Variants in LSM12 observed in about 807,000 individuals in gnomAD.
LSM12 encodes the protein LSM12 homolog, also known as protein LSM12.
For synonymous variants in LSM12, 74 were observed against 87.3 expected (o/e 0.85, Z 0.85); for missense variants, 108 against 238.9 (o/e 0.45, Z 3.61).
At chr17:44,066,376 G>A (rs2144122077) in intron 1 of LSM12, 88 bp downstream of exon 1, 2 of 1,471,600 alleles carry the variant, frequency 1.4e-6, no homozygotes, top group African/African-American at 1.5e-5. Flanking sequence ...GGCCCGGAGA[G>A]AGCCCCAGCC....
chr17:44,037,003 C>G, intron 4 of LSM12: 1 of 154,660 alleles, frequency 6.5e-6, no homozygotes. Context: ...ACTCGGGAGG[C>G]TGAGGCAGGA....
chr17:44,049,134 T>C (rs2049609473), intron 2 of LSM12, among the ~76,000 whole-genome samples: 1 of 152,172 alleles, frequency 6.6e-6, no homozygotes, highest in Non-Finnish European at 1.5e-5. Context: ...GAGGCTGCAG[T>C]GAGCTGAGCT....
chr17:44,052,348 T>C (rs1164329893), intron 2 of LSM12, among the ~76,000 whole-genome samples: 1 of 151,128 alleles, frequency 6.6e-6, no homozygotes, highest in Non-Finnish European at 1.5e-5. Flanking sequence ...GCCAGGTGTG[T>C]TGGCATGCAC....
In LSM12 at chr17:44,063,942, G is replaced by GA. The variant is rs373983060; in HGVS notation, c.125-9dup. The GA allele has an allele frequency of 2.8e-3, 3,982 of 1,432,612 alleles. No individual in the cohort carries two copies. The highest frequency in any genetic ancestry group is 7.4e-3 in the South Asian group (567 of 76,118). 88.7% of individuals were successfully genotyped at this position (1,432,612 alleles called of 1,614,324 possible). Reference sequence around the variant, plus strand: ...CACTGGAAGAGGGACATTCTGGTGAGAAAAAAAAAAGTTAAGGAAAAATAG... The same window carrying GA: ...CACTGGAAGAGGGACATTCTGGTGAGAAAAAAAAAAAGTTAAGGAAAAATAG... On this transcript the variant is annotated splice_polypyrimidine_tract_variant and intron_variant, in intron 1 of 4. Transcript: ENST00000293406.
intron 2 of LSM12, among the ~76,000 whole-genome samples, chr17:44,048,406 C>G (rs1388873347): frequency 6.7e-6 from 1 of 149,598 alleles, no homozygotes; most frequent in Admixed American, 6.8e-5. Flanking sequence ...TGCTTGAACC[C>G]GGGAGGCGGA....
At chr17:44,058,450 C>T (rs1278977398) in intron 2 of LSM12, among the ~76,000 whole-genome samples, 2 of 151,818 alleles carry the variant, frequency 1.3e-5, no homozygotes, top group African/African-American at 2.4e-5. Context: ...ACCTGTAATT[C>T]GAATACTTTG....
At chr17:44,064,556 A>T (rs988029484) in intron 1 of LSM12, among the ~76,000 whole-genome samples, 23 of 151,594 alleles carry the variant, frequency 1.5e-4, no homozygotes, top group Admixed American at 1.1e-3. Context: ...AAAGTGGCAA[A>T]ACCCCGTCAC....
intron 1 of LSM12, 87 bp downstream of exon 1, chr17:44,066,377 A>C (rs907050165): frequency 6.8e-7 from 1 of 1,471,404 alleles, no homozygotes; most frequent in Non-Finnish European, 9.0e-7. Context: ...GCCCGGAGAG[A>C]GCCCCAGCCG....
chr17:44,061,992 C>A (rs939981734), intron 2 of LSM12, among the ~76,000 whole-genome samples: 4 of 152,028 alleles, frequency 2.6e-5, no homozygotes, highest in African/African-American at 7.2e-5. Flanking sequence ...GAGGCCGAGG[C>A]GGGCGGATCA....
At chr17:44,042,814 AC>A (rs1484250593) in intron 2 of LSM12, among the ~76,000 whole-genome samples, 2 of 152,026 alleles carry the variant, frequency 1.3e-5, no homozygotes, top group Non-Finnish European at 2.9e-5. Flanking sequence ...TGATCCACCC[AC>A]CTGGGCCTCC....
At chr17:44,044,434 A>G (rs1361652232) in intron 2 of LSM12, among the ~76,000 whole-genome samples, 1 of 152,166 alleles carries the variant, frequency 6.6e-6, no homozygotes, top group African/African-American at 2.4e-5. Flanking sequence ...CTCTATTTCA[A>G]TTCTAATGCA....
At position 44,037,523 on chromosome 17, in the gene LSM12, T is replaced by C. The variant is rs35841935; in HGVS notation, c.384A>G (p.Lys128=). The change falls in exon 4 of 5, where the codon AAA becomes AAG. Residue 128 remains lysine (K), a synonymous_variant. Coordinates refer to ENST00000293406, the MANE Select transcript of LSM12 (RefSeq NM_001371445.1). ...QTIHKTIKDC[K]WQEKNIVVME... ...TGACTACGATGTTTTTTTCTTGCCATTTACAGTCTTTAATGCTGGAAGGAG... is the reference window on the plus strand; with the variant it reads ...TGACTACGATGTTTTTTTCTTGCCACTTACAGTCTTTAATGCTGGAAGGAG... The C allele has an allele frequency of 1.1e-3, 1,840 of 1,609,414 alleles. 21 individuals are homozygous for C. The African/African-American group carries it at 0.021, about 18-fold the overall frequency.
chr17:44,064,175 G>A (rs573817424), intron 1 of LSM12, among the ~76,000 whole-genome samples: 1 of 152,256 alleles, frequency 6.6e-6, no homozygotes, highest in African/African-American at 2.4e-5. Flanking sequence ...TTATGGAGAG[G>A]CATAATGCAG....
rs1354688446 is a variant in LSM12 at position 44,040,689 on chromosome 17, T to G, written c.259-433A>C. Among the ~76,000 whole-genome samples the G allele has an allele frequency of 5.3e-5, 8 of 151,942 alleles. No homozygotes were observed. The East Asian group carries it at 1.5e-3, about 29-fold the overall frequency. Reference sequence around the variant, plus strand: ...GTCAGAGATTTAAAAATATATACATTTCCGGCCAGGGGAGGTGGCTCATGC... The same window carrying G: ...GTCAGAGATTTAAAAATATATACATGTCCGGCCAGGGGAGGTGGCTCATGC... On this transcript the variant is annotated intron_variant, in intron 2 of 4. Coordinates refer to ENST00000293406, the MANE Select transcript of LSM12 (RefSeq NM_001371445.1).
chr17:44,040,039 G>T, intron 3 of LSM12, 108 bp downstream of exon 3: 1 of 744,416 alleles, frequency 1.3e-6, no homozygotes, highest in Non-Finnish European at 2.3e-6. Context: ...ACCCTACCCA[G>T]CTTCCCCAGT....
rs749863993 is a variant in LSM12, at chr17:44,052,901, T to TATAA, written c.258+10896_258+10899dup. Among the ~76,000 whole-genome samples, 21 of 152,010 alleles carry TATAA rather than the reference T, an allele frequency of 1.4e-4. No homozygotes were observed. The East Asian group carries it at 2.3e-3, about 17-fold the overall frequency. On this transcript the variant is annotated intron_variant, in intron 2 of 4. Transcript: ENST00000293406. ...CAAGAGCAAAACTCTGTCTTAAAAA[T>TATAA]ATAAATAAATAAATAAAGTGTTACA...
At chr17:44,040,920 G>A (rs988622727) in intron 2 of LSM12, among the ~76,000 whole-genome samples, 19 of 151,946 alleles carry the variant, frequency 1.3e-4, no homozygotes, top group Admixed American at 6.6e-4. Context: ...GGAGAAGGCT[G>A]CAGGGAGCTG....
chr17:44,046,354 GGTAAGT>G (rs1252187167), intron 2 of LSM12, among the ~76,000 whole-genome samples: 1 of 152,032 alleles, frequency 6.6e-6, no homozygotes, highest in African/African-American at 2.4e-5. Context: ...TGGGTCATAT[GGTAAGT>G]GTATGTTTAA....
At chr17:44,064,977 C>G (rs2049851630) in intron 1 of LSM12, among the ~76,000 whole-genome samples, 2 of 145,778 alleles carry the variant, frequency 1.4e-5, no homozygotes, top group East Asian at 4.3e-4. Flanking sequence ...ACTAAAAATA[C>G]AAAAAATTAG....
Sources: allele counts gnomAD v4.1 joint callset (sites outside exome capture counted in the v4.1 genomes callset), GRCh38; gene constraint gnomAD v4.1.1; transcripts MANE v1.5; gene names NCBI Gene and HGNC (gene_info 2026-07-23, HGNC 2026-07-21).